The following TBC1D1 variants were observed in gnomAD, a reference collection of about 807,000 sequenced individuals.
TBC1D1 encodes the protein TBC1 (tre-2/USP6, BUB2, cdc16) domain family, member 1.
A neutral mutation model predicts 125.6 loss-of-function variants in TBC1D1; 89 were observed. The ratio of observed to expected loss-of-function variants is 0.71; its 90% CI spans 0.60 to 0.85. The LOEUF is 0.85. TBC1D1 is among the 40% of genes least tolerant of loss of function. TBC1D1 has a pLI of 0.00. For missense variants in TBC1D1, 1,377 were observed against 1,469.2 expected (o/e 0.94, Z 1.03); for synonymous variants, 565 against 564.1 (o/e 1.00, Z -0.02).
intron 7 of TBC1D1, among the ~76,000 whole-genome samples, chr4:38,029,140 G>C (rs1457844447): frequency 2.0e-5 from 3 of 152,032 alleles, no homozygotes; most frequent in African/African-American, 7.2e-5. Flanking sequence ...GGGCATTTTC[G>C]ATGATTCCCT....
In TBC1D1 at chr4:38,137,317, C is replaced by T. The variant is rs1188172139; in HGVS notation, c.3489C>T (p.Pro1163=). 1.2e-6 allele frequency: 2 copies of T among 1,610,922 alleles called. No homozygotes were observed. The highest frequency in any genetic ancestry group is 1.1e-5 in the South Asian group (1 of 90,906). The change falls in exon 20 of 20, where the codon CCC becomes CCT. Residue 1163 remains proline, a synonymous_variant. Transcript: ENST00000261439. ...ACCGGGAGCCTGAGTGCACGCAGCC[C>T]GAGCCCACGGGCGACTGACAGCTCT...
In TBC1D1 at chr4:38,137,588, G is replaced by A. The variant is rs1766857790; in HGVS notation, c.*253G>A. On this transcript the variant is annotated 3_prime_UTR_variant, in exon 20 of 20. Transcript: ENST00000261439. The stretch of plus-strand genomic sequence containing the variant: ...TTACTGTACACAGTAGCTTTAGATG[G>A]CGTGGACGTGAATAAATGCAACTTA... 1 of 409,152 alleles carries A rather than the reference G, an allele frequency of 2.4e-6. No homozygotes were observed. The highest frequency in any genetic ancestry group is 2.0e-5 in the African/African-American group (1 of 49,094). 25.3% of individuals were successfully genotyped at this position (409,152 alleles called of 1,614,324 possible).
chr4:38,102,459 T>G (rs1760529068), intron 14 of TBC1D1, among the ~76,000 whole-genome samples: 1 of 151,328 alleles, frequency 6.6e-6, no homozygotes, highest in South Asian at 2.1e-4. Context: ...ATAACACATT[T>G]GAGAAGTGAG....
intron 17 of TBC1D1, among the ~76,000 whole-genome samples, chr4:38,122,377 GC>G (rs769016572): frequency 6.6e-6 from 1 of 152,242 alleles, no homozygotes; most frequent in Non-Finnish European, 1.5e-5. Context: ...ATCTGGACCT[GC>G]GTGCCCCCAT....
chr4:38,079,993 C>T (rs1170333628), intron 12 of TBC1D1, among the ~76,000 whole-genome samples: 1 of 152,252 alleles, frequency 6.6e-6, no homozygotes, highest in African/African-American at 2.4e-5. Context: ...ATCCAGGTTG[C>T]TGGATCTACC....
chr4:38,108,937 C>T (rs184880814), intron 15 of TBC1D1, among the ~76,000 whole-genome samples: 583 of 152,292 alleles, frequency 3.8e-3, no homozygotes, highest in African/African-American at 0.012. Context: ...AGCGCTTCCC[C>T]TTCTCCTCTC....
Position 38,018,378 on chromosome 4 carries a change from A to C in TBC1D1, c.907A>C (p.Ile303Leu), listed in dbSNP as rs373742470. The change falls in exon 4 of 20, where the codon ATC becomes CTC. Residue 303 changes from isoleucine to leucine, a missense_variant. Transcript: ENST00000261439. ...GATTGGCCAGTCTGAAGTTTACCTC[A>C]TCAGTCCTGACACCAAAAAAATAGC... is the stretch of plus-strand genomic sequence containing the variant. The C allele has an allele frequency of 6.2e-7, 1 of 1,611,852 alleles. No homozygotes were observed. The highest frequency in any genetic ancestry group is 1.3e-5 in the African/African-American group (1 of 74,820).
At chr4:37,931,210 C>A (rs1723185421) in intron 2 of TBC1D1, among the ~76,000 whole-genome samples, 1 of 152,178 alleles carries the variant, frequency 6.6e-6, no homozygotes, top group East Asian at 1.9e-4. Flanking sequence ...TCAAGTGATT[C>A]TCCTGCCTCA....
chr4:37,960,546 A>T (rs775429555), intron 2 of TBC1D1: 2 of 1,614,156 alleles, frequency 1.2e-6, no homozygotes, highest in Non-Finnish European at 1.7e-6. Flanking sequence ...ATTAGATGGG[A>T]TATCTCAAGT....
intron 17 of TBC1D1, among the ~76,000 whole-genome samples, chr4:38,119,357 A>G (rs979678639): frequency 1.3e-5 from 2 of 152,076 alleles, no homozygotes; most frequent in African/African-American, 2.4e-5. Flanking sequence ...TATCTACAAG[A>G]ACCTTTAAAG....
chr4:37,891,904 C>A (rs1418302744), intron 1 of TBC1D1, among the ~76,000 whole-genome samples: 4 of 151,974 alleles, frequency 2.6e-5, no homozygotes, highest in African/African-American at 9.7e-5. Context: ...CAAACTTCAC[C>A]AGGCATTAAG....
chr4:38,045,668 G>A (rs891606022), intron 9 of TBC1D1, 149 bp from the exon 10 acceptor site: 1 of 591,308 alleles, frequency 1.7e-6, no homozygotes, highest in African/African-American at 1.8e-5. Context: ...TGGAAATGTT[G>A]ATTATTTTAA....
chr4:37,975,003 G>A (rs1273190738), intron 2 of TBC1D1, among the ~76,000 whole-genome samples: 2 of 152,212 alleles, frequency 1.3e-5, no homozygotes, highest in Non-Finnish European at 2.9e-5. Flanking sequence ...ACGAGAGAGT[G>A]TAGAAATAAA....
At chr4:38,040,052 T>C (rs1342799542) in intron 8 of TBC1D1, among the ~76,000 whole-genome samples, 3 of 152,226 alleles carry the variant, frequency 2.0e-5, no homozygotes, top group African/African-American at 7.2e-5. Flanking sequence ...AAGTCATTTC[T>C]AAATGTGAAT....
intron 12 of TBC1D1, among the ~76,000 whole-genome samples, chr4:38,066,559 T>C (rs1255403377): frequency 6.6e-6 from 1 of 152,124 alleles, no homozygotes; most frequent in Non-Finnish European, 1.5e-5. Context: ...TCTTGAACTC[T>C]TGAATTAAAG....
At chr4:38,013,409 A>T (rs1560616873) in intron 2 of TBC1D1, among the ~76,000 whole-genome samples, 1 of 152,202 alleles carries the variant, frequency 6.6e-6, no homozygotes, top group Non-Finnish European at 1.5e-5. Flanking sequence ...TTTCTCTATA[A>T]TGTTGTTAAA....
At chr4:38,107,995 C>T (rs1761619014) in intron 15 of TBC1D1, among the ~76,000 whole-genome samples, 1 of 152,224 alleles carries the variant, frequency 6.6e-6, no homozygotes, top group Admixed American at 6.5e-5. Context: ...CTGCTCTCAG[C>T]TTAGCAGATG....
At chr4:38,033,322 G>A (rs1210713216) in intron 7 of TBC1D1, among the ~76,000 whole-genome samples, 3 of 151,930 alleles carry the variant, frequency 2.0e-5, no homozygotes, top group Admixed American at 1.3e-4. Context: ...ACCATCAGGC[G>A]CCTGTACCTG....
intron 2 of TBC1D1, among the ~76,000 whole-genome samples, chr4:37,951,672 A>G (rs149237489): frequency 2.6e-5 from 4 of 152,224 alleles, no homozygotes; most frequent in African/African-American, 9.6e-5. Flanking sequence ...ACACTCAGCC[A>G]AGTTAGGGAA....
Sources: allele counts gnomAD v4.1 joint callset (sites outside exome capture counted in the v4.1 genomes callset), GRCh38; gene constraint gnomAD v4.1.1; transcripts MANE v1.5; gene names NCBI Gene and HGNC (gene_info 2026-07-23, HGNC 2026-07-21).